The following PSD3 variants were observed in gnomAD, a reference collection of about 807,000 sequenced individuals.
PSD3 encodes the protein PH and SEC7 domain-containing protein 3.
PSD3 carries 49 observed loss-of-function variants against 105.5 expected under a neutral mutation model. The observed-to-expected ratio is 0.46, with a 90% CI of 0.37 to 0.59. PSD3 has a LOEUF of 0.59. PSD3 is among the 20% of genes least tolerant of loss of function. PSD3 has a pLI of 0.00. For synonymous variants in PSD3, 557 were observed against 457.8 expected (o/e 1.22, Z -2.77); for missense variants, 1,561 against 1,263.8 (o/e 1.24, Z -3.57).
intron 14 of PSD3, 51 bp downstream of exon 14, chr8:18,572,477 T>A: frequency 1.3e-6 from 2 of 1,581,016 alleles, no homozygotes; most frequent in Non-Finnish European, 1.7e-6. Context: ...TTTATCACAT[T>A]ATTTTACAAA....
chr8:18,945,927 T>A (rs1270603592), intron 1 of PSD3, among the ~76,000 whole-genome samples: 1 of 152,132 alleles, frequency 6.6e-6, no homozygotes, highest in African/African-American at 2.4e-5. Flanking sequence ...TGAGCCGAGA[T>A]CGCGCCATGC....
chr8:18,576,171 A>G (rs1802452307), intron 12 of PSD3, among the ~76,000 whole-genome samples: 1 of 152,112 alleles, frequency 6.6e-6, no homozygotes, highest in Non-Finnish European at 1.5e-5. Context: ...ATCCCCTCCA[A>G]AAACCAAGCA....
chr8:18,840,824 C>T (rs1563333278), intron 4 of PSD3, among the ~76,000 whole-genome samples: 1 of 152,236 alleles, frequency 6.6e-6, no homozygotes, highest in South Asian at 2.1e-4. Flanking sequence ...TGATAATATT[C>T]TGGAATACAG....
intron 12 of PSD3, among the ~76,000 whole-genome samples, chr8:18,576,288 G>A (rs562571196): frequency 3.4e-4 from 52 of 152,202 alleles, no homozygotes; most frequent in African/African-American, 1.3e-3. Flanking sequence ...GTAAATACCA[G>A]TGGTAATATA....
chr8:18,578,304 C>A (rs1055632168), intron 12 of PSD3, among the ~76,000 whole-genome samples: 1 of 152,054 alleles, frequency 6.6e-6, no homozygotes, highest in African/African-American at 2.4e-5. Context: ...TAATTGCTGA[C>A]AAAACTAATA....
chr8:18,915,120 T>C (rs1820498725), intron 2 of PSD3, among the ~76,000 whole-genome samples: 1 of 152,182 alleles, frequency 6.6e-6, no homozygotes, highest in African/African-American at 2.4e-5. Context: ...TGAACAGTGC[T>C]GGGAAAACGG....
At chr8:18,585,553 A>G (rs1027050152) in intron 12 of PSD3, among the ~76,000 whole-genome samples, 1 of 152,238 alleles carries the variant, frequency 6.6e-6, no homozygotes, top group African/African-American at 2.4e-5. Flanking sequence ...CTTGGGCTTA[A>G]GCAATCTACC....
chr8:18,808,720 G>C (rs765909052), intron 4 of PSD3: 1 of 1,613,836 alleles, frequency 6.2e-7, no homozygotes. Flanking sequence ...TTTTAAATCA[G>C]AAAGCTTGAC....
chr8:18,602,562 T>C (rs980579187), intron 11 of PSD3, among the ~76,000 whole-genome samples: 5 of 152,124 alleles, frequency 3.3e-5, no homozygotes, highest in African/African-American at 1.2e-4. Flanking sequence ...CAACGGTATT[T>C]AGTTGGTGTG....
intron 13 of PSD3, 105 bp from the exon 14 acceptor site, chr8:18,572,777 T>A: frequency 7.8e-7 from 1 of 1,285,532 alleles, no homozygotes; most frequent in Non-Finnish European, 1.1e-6. Flanking sequence ...GAAAATCATT[T>A]ACTCCTCCTG....
At chr8:18,854,469 A>G (rs1342656500) in intron 4 of PSD3, 1 of 152,258 alleles carries the variant, frequency 6.6e-6, no homozygotes, top group African/African-American at 2.4e-5. Context: ...GCAAGCTGAC[A>G]GCAGTCAGAA....
chr8:18,670,734 A>G (rs1377433082), intron 9 of PSD3, among the ~76,000 whole-genome samples: 2 of 152,214 alleles, frequency 1.3e-5, no homozygotes, highest in Non-Finnish European at 2.9e-5. Context: ...GTAAGGTGCA[A>G]AACATTGTTA....
intron 10 of PSD3, 22 bp downstream of exon 10, chr8:18,655,620 G>C (rs201844778): frequency 3.0e-5 from 49 of 1,610,972 alleles, no homozygotes; most frequent in Non-Finnish European, 9.3e-6. Context: ...ATTATTAAAA[G>C]GCTGACGTCC....
intron 12 of PSD3, among the ~76,000 whole-genome samples, chr8:18,581,568 C>G (rs1255449623): frequency 6.6e-6 from 1 of 152,172 alleles, no homozygotes; most frequent in Non-Finnish European, 1.5e-5. Context: ...ATCACAAGCT[C>G]TATCTCAGAG....
chr8:19,028,757 A>T (rs1015125075), intron 1 of PSD3, among the ~76,000 whole-genome samples: 14 of 152,130 alleles, frequency 9.2e-5, no homozygotes, highest in African/African-American at 3.4e-4. Context: ...TCTTTCCCTA[A>T]TGTCATGCCA....
intron 9 of PSD3, among the ~76,000 whole-genome samples, chr8:18,690,741 C>G (rs146257471): frequency 6.6e-6 from 1 of 152,212 alleles, no homozygotes; most frequent in Non-Finnish European, 1.5e-5. Flanking sequence ...CCCACAGTGC[C>G]GGGCTACCTC....
intron 4 of PSD3, among the ~76,000 whole-genome samples, chr8:18,860,466 A>T (rs1816354797): frequency 6.6e-6 from 1 of 152,130 alleles, no homozygotes; most frequent in African/African-American, 2.4e-5. Flanking sequence ...AATAAAAAAA[A>T]AAAACAGAGT....
chr8:18,799,089 C>G (rs1586038177), intron 8 of PSD3: 2 of 520,852 alleles, frequency 3.8e-6, no homozygotes, highest in Admixed American at 6.5e-5. Flanking sequence ...CTCCAGACAC[C>G]AGGACGATGG....
chr8:19,048,455 AT>A (rs1305316970), intron 1 of PSD3, among the ~76,000 whole-genome samples: 1 of 152,222 alleles, frequency 6.6e-6, no homozygotes, highest in Non-Finnish European at 1.5e-5. Context: ...AAATATATGG[AT>A]AAAATAATGA....
Sources: gnomAD v4.1 joint callset for allele counts (sites outside exome capture counted in the v4.1 genomes callset) on GRCh38, gnomAD v4.1.1 for gene constraint, MANE v1.5 for transcripts, NCBI Gene and HGNC (gene_info 2026-07-23, HGNC 2026-07-21) for gene names.